The following FAT3 variants were observed in gnomAD, a reference collection of about 807,000 sequenced individuals.
The protein encoded by FAT3 is FAT atypical cadherin 3.
A neutral mutation model predicts 310.2 loss-of-function variants in FAT3; 95 were observed. The ratio of observed to expected loss-of-function variants is 0.31; its 90% CI spans 0.26 to 0.36. The LOEUF (loss-of-function observed/expected upper bound fraction) is 0.36. FAT3 is among the 10% of genes least tolerant of loss of function. The pLI is 1.00. For missense variants in FAT3, 5,408 were observed against 5,715.6 expected, an observed-to-expected ratio of 0.95 and a Z score of 1.74; for synonymous variants, 2,314 against 2,192.9, an observed-to-expected ratio of 1.06 and a Z score of -1.54.
At chr11:92,442,111 A>ATATATTTTTTTTTTTTTTT (rs1453396603) in intron 2 of FAT3, among the ~76,000 whole-genome samples, 2 of 45,218 alleles carry the variant, frequency 4.4e-5, no homozygotes, top group African/African-American at 1.8e-4. Context: ...ATATATATAT[A>ATATATTTTTTTTTTTTTTT]TTTTTTTTTT....
intron 2 of FAT3, among the ~76,000 whole-genome samples, chr11:92,398,298 C>G (rs1406891348): frequency 1.3e-5 from 2 of 151,888 alleles, no homozygotes; most frequent in East Asian, 1.9e-4. Flanking sequence ...GTCAGGAGTT[C>G]AAGACCAGCC....
At chr11:92,667,394 A>T (rs1942988899) in intron 3 of FAT3, among the ~76,000 whole-genome samples, 1 of 152,064 alleles carries the variant, frequency 6.6e-6, no homozygotes, top group Admixed American at 6.5e-5. Flanking sequence ...TAACCCCAGC[A>T]GGCTCATAAA....
intron 6 of FAT3, among the ~76,000 whole-genome samples, chr11:92,773,285 G>T (rs1249071032): frequency 2.0e-5 from 3 of 152,126 alleles, no homozygotes; most frequent in Non-Finnish European, 4.4e-5. Context: ...TGGCCAGGGG[G>T]TTGAGAGGAA....
chr11:92,496,782 G>A (rs1373285836), intron 2 of FAT3, among the ~76,000 whole-genome samples: 1 of 151,964 alleles, frequency 6.6e-6, no homozygotes, highest in African/African-American at 2.4e-5. Context: ...AGGAGGAAAG[G>A]GGTTATGTTT....
At chr11:92,702,102 G>A (rs1944114159) in intron 4 of FAT3, among the ~76,000 whole-genome samples, 1 of 152,098 alleles carries the variant, frequency 6.6e-6, no homozygotes, top group South Asian at 2.1e-4. Context: ...TGTGAAGTGG[G>A]GATAACAATT....
chr11:92,322,784 G>A (rs896062536), intron 1 of FAT3, among the ~76,000 whole-genome samples: 3 of 151,970 alleles, frequency 2.0e-5, no homozygotes, highest in African/African-American at 4.8e-5. Context: ...ACATCTTCAG[G>A]TTCCACTTGT....
At chr11:92,818,209 CAA>C (rs1947872840) in intron 13 of FAT3, among the ~76,000 whole-genome samples, 1 of 152,066 alleles carries the variant, frequency 6.6e-6, no homozygotes, top group East Asian at 1.9e-4. Flanking sequence ...ACAAGGAAAA[CAA>C]TATACATTCA....
rs1364306327 is a variant in FAT3, at chr11:92,380,476, C to T, written c.3292+25072C>T. Reference sequence around the variant, plus strand: ...TTTGTTTGAACGCCCTCAAAGAAACCATGTTGACTGTGCTCCATCACATGA... The same window carrying T: ...TTTGTTTGAACGCCCTCAAAGAAACTATGTTGACTGTGCTCCATCACATGA... On this transcript the variant is annotated intron_variant, in intron 2 of 27. Coordinates refer to ENST00000525166, the MANE Select transcript of FAT3 (RefSeq NM_001367949.2). 4.6e-5 allele frequency among the ~76,000 whole-genome samples: 7 copies of T among 152,202 alleles called. No individual in the cohort carries two copies. In the East Asian group the frequency reaches 7.7e-4, roughly 17 times the overall value.
intron 2 of FAT3, among the ~76,000 whole-genome samples, chr11:92,433,398 C>T (rs1054541949): frequency 9.2e-5 from 14 of 152,200 alleles, no homozygotes. Context: ...CTGCAGGTTG[C>T]AAAGACAGTG....
chr11:92,832,516 C>T (rs1054407048), intron 14 of FAT3, among the ~76,000 whole-genome samples: 2 of 151,944 alleles, frequency 1.3e-5, no homozygotes, highest in African/African-American at 2.4e-5. Context: ...AAAGATGGCT[C>T]CTGCTAAATT....
chr11:92,376,198 T>TTG (rs1949339413), intron 2 of FAT3, among the ~76,000 whole-genome samples: 1 of 152,208 alleles, frequency 6.6e-6, no homozygotes, highest in South Asian at 2.1e-4. Flanking sequence ...TACTGGGATG[T>TTG]GGCAAAGTCT....
chr11:92,442,144 C>G (rs2135081070), intron 2 of FAT3, among the ~76,000 whole-genome samples: 1 of 77,492 alleles, frequency 1.3e-5, no homozygotes, highest in Admixed American at 2.0e-4. Flanking sequence ...GATGGAGTCT[C>G]TCTCTGTTGC....
intron 6 of FAT3, among the ~76,000 whole-genome samples, chr11:92,767,021 G>A (rs996727005): frequency 1.4e-4 from 21 of 152,122 alleles, no homozygotes; most frequent in Admixed American, 8.5e-4. Flanking sequence ...GGCTGAGGTG[G>A]GTGGATCACT....
chr11:92,374,570 TA>T lies in FAT3; in HGVS notation c.3292+19171del, dbSNP rs1297369161. ...ACTCTGATAACTACTCTTTGTGATT[TA>T]AAAACCCACTATGAACTGTAGGAAG... On this transcript the variant is annotated intron_variant, in intron 2 of 27. Coordinates refer to ENST00000525166, the MANE Select transcript of FAT3 (RefSeq NM_001367949.2). Among the ~76,000 whole-genome samples, 12 of 152,352 alleles carry T rather than the reference TA, an allele frequency of 7.9e-5. No individual in the cohort carries two copies. In the East Asian group the frequency reaches 2.3e-3, roughly 29 times the overall value.
intron 2 of FAT3, among the ~76,000 whole-genome samples, chr11:92,501,032 A>G (rs1174291423): frequency 1.3e-5 from 2 of 152,068 alleles, no homozygotes; most frequent in Non-Finnish European, 2.9e-5. Flanking sequence ...TCATTGCAGG[A>G]AAATTGGATG....
intron 2 of FAT3, among the ~76,000 whole-genome samples, chr11:92,381,670 G>T (rs1285222592): frequency 1.3e-5 from 2 of 151,972 alleles, no homozygotes; most frequent in Non-Finnish European, 2.9e-5. Flanking sequence ...GTTTAAGCAG[G>T]TATATAGGTA....
chr11:92,368,573 TAGTGACA>T (rs1949085570), intron 2 of FAT3, among the ~76,000 whole-genome samples: 1 of 152,156 alleles, frequency 6.6e-6, no homozygotes, highest in African/African-American at 2.4e-5. Context: ...CCACATCTTC[TAGTGACA>T]AGTTTACATG....
At chr11:92,647,509 C>A (rs568750676) in intron 3 of FAT3, among the ~76,000 whole-genome samples, 1 of 152,164 alleles carries the variant, frequency 6.6e-6, no homozygotes, top group Non-Finnish European at 1.5e-5. Context: ...ATACAGCATG[C>A]ACTTTTCTGC....
chr11:92,578,276 G>A (rs1225024363), intron 3 of FAT3, among the ~76,000 whole-genome samples: 1 of 152,064 alleles, frequency 6.6e-6, no homozygotes, highest in Non-Finnish European at 1.5e-5. Context: ...GATTGTGAGT[G>A]TGCTAAATCA....
Sources: allele counts gnomAD v4.1 joint callset (sites outside exome capture counted in the v4.1 genomes callset), GRCh38; gene constraint gnomAD v4.1.1; transcripts MANE v1.5; gene names NCBI Gene and HGNC (gene_info 2026-07-23, HGNC 2026-07-21).